IGSF21: variants seen among roughly 807,000 people sequenced by gnomAD.
IGSF21 encodes immunoglobin superfamily member 21.
A neutral mutation model predicts 46.8 loss-of-function variants in IGSF21; 28 were observed. That is an observed-to-expected ratio of 0.60 (90% CI 0.44 to 0.82). The LOEUF (loss-of-function observed/expected upper bound fraction) is 0.82, where lower values mean the gene tolerates loss of function less well. Ranked by LOEUF, IGSF21 falls within the 40% of genes least tolerant of loss-of-function variation. IGSF21 has a pLI of 0.00. For missense variants in IGSF21, 624 were observed against 665.5 expected (o/e 0.94, Z 0.69); for synonymous variants, 284 against 273.6 (o/e 1.04, Z -0.38).
At chr1:18,204,578 G>T (rs990149945) in intron 1 of IGSF21, among the ~76,000 whole-genome samples, 10 of 152,272 alleles carry the variant, frequency 6.6e-5, no homozygotes, top group African/African-American at 2.4e-4. Context: ...CTCAGAGGTG[G>T]AGGGGAGATG....
At chr1:18,377,506 A>G (rs1363690729) in intron 9 of IGSF21, 75 bp downstream of exon 9, 6 of 1,172,130 alleles carry the variant, frequency 5.1e-6, no homozygotes, top group African/African-American at 3.0e-5. Context: ...TGGTCCCCCA[A>G]ACTTCCCATA....
chr1:18,285,929 T>A (rs1449652122), intron 2 of IGSF21, among the ~76,000 whole-genome samples: 1 of 152,112 alleles, frequency 6.6e-6, no homozygotes, highest in African/African-American at 2.4e-5. Context: ...TGCCAAGCAA[T>A]CCCCTGGGCT....
intron 2 of IGSF21, among the ~76,000 whole-genome samples, chr1:18,291,166 T>C (rs16861798): frequency 0.046 from 7,067 of 152,274 alleles, 538 homozygotes; most frequent in African/African-American, 0.16. Flanking sequence ...CCATCAGCCA[T>C]GAACAGCGGG....
intron 1 of IGSF21, among the ~76,000 whole-genome samples, chr1:18,220,094 G>A (rs1385106754): frequency 6.6e-6 from 1 of 152,184 alleles, no homozygotes; most frequent in Non-Finnish European, 1.5e-5. Flanking sequence ...CAAGTTTCTT[G>A]CTCGAGGGCC....
chr1:18,252,932 AC>A (rs2084856586), intron 2 of IGSF21, among the ~76,000 whole-genome samples: 1 of 152,194 alleles, frequency 6.6e-6, no homozygotes, highest in Non-Finnish European at 1.5e-5. Flanking sequence ...AGTGTAGGTA[AC>A]AAACCTTTAG....
At chr1:18,367,603 C>CTTTATT in intron 6 of IGSF21, among the ~76,000 whole-genome samples, 1 of 73,964 alleles carries the variant, frequency 1.4e-5, no homozygotes, top group South Asian at 6.0e-4. Flanking sequence ...CTCTCTCTCT[C>CTTTATT]TTTTTTTTTT....
chr1:18,217,430 G>A (rs1380801779), intron 1 of IGSF21, among the ~76,000 whole-genome samples: 1 of 152,194 alleles, frequency 6.6e-6, no homozygotes, highest in Non-Finnish European at 1.5e-5. Flanking sequence ...TAGGTTCAGA[G>A]GACTGTGTGT....
At chr1:18,208,631 T>A (rs1423764669) in intron 1 of IGSF21, among the ~76,000 whole-genome samples, 1 of 147,160 alleles carries the variant, frequency 6.8e-6, no homozygotes, top group Non-Finnish European at 1.5e-5. Context: ...TCTCCTGACC[T>A]CGTTATCCGC....
intron 1 of IGSF21, among the ~76,000 whole-genome samples, chr1:18,123,336 C>T (rs141883878): frequency 5.1e-4 from 78 of 152,340 alleles, no homozygotes; most frequent in Non-Finnish European, 9.0e-4. Context: ...ACAAGGGATG[C>T]TCCATTTCCT....
intron 1 of IGSF21, among the ~76,000 whole-genome samples, chr1:18,127,437 G>A (rs1255518883): frequency 6.6e-6 from 1 of 152,088 alleles, no homozygotes; most frequent in Non-Finnish European, 1.5e-5. Context: ...CTGGCATCTA[G>A]ATATTTCTGG....
rs562728302 is a variant in IGSF21, at chr1:18,290,336, T to C, written c.184-1530T>C. Among the ~76,000 whole-genome samples the C allele has an allele frequency of 6.6e-6, 1 of 152,252 alleles. No homozygotes were observed. The highest frequency in any genetic ancestry group is 2.1e-4 in the South Asian group (1 of 4,818). ...TCAGAGGGGAAGAAAGTGACGCGTG[T>C]ACATGTCGCTAAGTCCCGACAGAGA... On this transcript the variant is annotated intron_variant, in intron 2 of 9. Coordinates refer to ENST00000251296, the MANE Select transcript of IGSF21 (RefSeq NM_032880.5). This position sits in a 1 kb window ranked among gnomAD's most constrained non-coding sequence, Gnocchi z 4.2.
chr1:18,314,872 C>T (rs548714259), intron 3 of IGSF21, among the ~76,000 whole-genome samples: 9 of 152,050 alleles, frequency 5.9e-5, no homozygotes, highest in Non-Finnish European at 1.2e-4. Context: ...CCAGGCTCAG[C>T]GGCAGGTACA....
intron 2 of IGSF21, among the ~76,000 whole-genome samples, chr1:18,261,808 C>A (rs1254237458): frequency 1.3e-5 from 2 of 152,102 alleles, no homozygotes; most frequent in African/African-American, 4.8e-5. Flanking sequence ...TCCCCTGAAG[C>A]CCCCCGACCC....
At position 18,199,894 on chromosome 1, in the gene IGSF21, C is replaced by T. The variant is rs558856433; in HGVS notation, c.71-28004C>T. Among the ~76,000 whole-genome samples, 429 of 146,244 alleles carry T rather than the reference C, an allele frequency of 2.9e-3. 2 individuals are homozygous for T. The highest frequency in any genetic ancestry group is 9.9e-3 in the African/African-American group (405 of 40,926). On this transcript the variant is annotated intron_variant, in intron 1 of 9. Transcript: ENST00000251296. ...TCACACTAGGGAAGCTGCTCCCGGC[C>T]CCCCCCTACCCCCGTGAGAATCCAT...
intron 1 of IGSF21, chr1:18,114,871 G>T (rs2086175054): frequency 6.6e-6 from 1 of 152,214 alleles, no homozygotes; most frequent in African/African-American, 2.4e-5. Context: ...CAGGGGTCTG[G>T]CATGAGACAG....
chr1:18,153,474 G>A (rs918339235), intron 1 of IGSF21, among the ~76,000 whole-genome samples: 8 of 152,230 alleles, frequency 5.3e-5, no homozygotes, highest in Non-Finnish European at 1.0e-4. Context: ...TGGACCCTAA[G>A]CGCAGCCAAA....
intron 2 of IGSF21, among the ~76,000 whole-genome samples, chr1:18,239,789 AT>A (rs1351716516): frequency 5.1e-5 from 7 of 137,954 alleles, no homozygotes; most frequent in Non-Finnish European, 1.1e-4. Flanking sequence ...TTCCCCATCC[AT>A]TTTTCCCCCT....
intron 1 of IGSF21, among the ~76,000 whole-genome samples, chr1:18,153,570 G>C (rs1284202303): frequency 6.6e-6 from 1 of 152,212 alleles, no homozygotes; most frequent in Admixed American, 6.5e-5. Context: ...GTGGATGACT[G>C]ACTGGGAACC....
intron 1 of IGSF21, among the ~76,000 whole-genome samples, chr1:18,156,342 G>A (rs190472389): frequency 2.8e-4 from 43 of 152,300 alleles, no homozygotes; most frequent in Middle Eastern, 3.4e-3. Context: ...GCCAAGCTCC[G>A]TGCCCACAAC....
Sources: gnomAD v4.1 joint callset for allele counts (sites outside exome capture counted in the v4.1 genomes callset) on GRCh38, gnomAD v4.1.1 for gene constraint, Gnocchi (gnomAD v3.1) non-coding constraint, MANE v1.5 for transcripts, NCBI Gene and HGNC (gene_info 2026-07-23, HGNC 2026-07-21) for gene names.